The following TRPC4 variants were observed in gnomAD, a reference collection of about 807,000 sequenced individuals.
TRPC4 encodes short transient receptor potential channel 4.
Under a neutral mutation model 99.4 loss-of-function variants are expected in TRPC4, and 49 were observed. The ratio of observed to expected loss-of-function variants is 0.49; its 90% CI spans 0.39 to 0.63. The LOEUF is 0.63. TRPC4 is among the 20% of genes least tolerant of loss of function. The pLI is 0.00. For synonymous variants in TRPC4, 454 were observed against 425.9 expected, an observed-to-expected ratio of 1.07 and a Z score of -0.81; for missense variants, 898 against 1,152.9, an observed-to-expected ratio of 0.78 and a Z score of 3.20.
At chr13:37,812,197 C>CAAAAAAAAAAA (rs1156963631) in intron 1 of TRPC4, among the ~76,000 whole-genome samples, 47 of 111,218 alleles carry the variant, frequency 4.2e-4, no homozygotes, top group African/African-American at 1.0e-3. Context: ...AAAAAAAAAC[C>CAAAAAAAAAAA]AGGAGATCTA....
intron 1 of TRPC4, among the ~76,000 whole-genome samples, chr13:37,801,830 G>C (rs919060507): frequency 1.3e-5 from 2 of 152,022 alleles, no homozygotes; most frequent in Non-Finnish European, 2.9e-5. Context: ...ATTTGAGCTG[G>C]ATTTTGAAGG....
intron 2 of TRPC4, among the ~76,000 whole-genome samples, chr13:37,768,265 TTCTTC>T (rs1377152270): frequency 6.6e-6 from 1 of 151,372 alleles, no homozygotes; most frequent in Non-Finnish European, 1.5e-5. Context: ...TCTTAAAAAT[TTCTTC>T]TCTTCTGAGA....
At chr13:37,678,364 C>A (rs764842416) in intron 4 of TRPC4, among the ~76,000 whole-genome samples, 3 of 151,730 alleles carry the variant, frequency 2.0e-5, no homozygotes, top group African/African-American at 7.3e-5. Flanking sequence ...TGATAAAACG[C>A]TAGCCAGAAT....
intron 7 of TRPC4, among the ~76,000 whole-genome samples, chr13:37,653,089 G>C (rs534556614): frequency 6.6e-6 from 1 of 151,958 alleles, no homozygotes; most frequent in Non-Finnish European, 1.5e-5. Flanking sequence ...CCCAGTCAAG[G>C]TCCCCTCTTC....
chr13:37,750,199 T>C (rs1288683397), intron 2 of TRPC4, among the ~76,000 whole-genome samples: 1 of 152,204 alleles, frequency 6.6e-6, no homozygotes, highest in Non-Finnish European at 1.5e-5. Context: ...TATTTCAATT[T>C]CTATTTTATT....
At chr13:37,695,494 C>A (rs975199404) in intron 3 of TRPC4, among the ~76,000 whole-genome samples, 3 of 152,178 alleles carry the variant, frequency 2.0e-5, no homozygotes, top group African/African-American at 7.2e-5. Flanking sequence ...CCGCACCATT[C>A]CAGGACTGGG....
intron 6 of TRPC4, among the ~76,000 whole-genome samples, chr13:37,655,970 T>G (rs2138644292): frequency 6.6e-6 from 1 of 152,278 alleles, no homozygotes; most frequent in East Asian, 1.9e-4. Flanking sequence ...ACTACAGATT[T>G]CTATGTTTAC....
intron 1 of TRPC4, among the ~76,000 whole-genome samples, chr13:37,826,490 A>G (rs1958216615): frequency 6.8e-6 from 1 of 146,152 alleles, no homozygotes; most frequent in Admixed American, 6.9e-5. Context: ...ATCTCTCAGC[A>G]TTTGCTTGTC....
intron 2 of TRPC4, among the ~76,000 whole-genome samples, chr13:37,752,796 CA>C (rs200035373): frequency 3.3e-5 from 5 of 151,108 alleles, no homozygotes. Context: ...CTCAAACAAA[CA>C]AAAAAAATAA....
intron 1 of TRPC4, among the ~76,000 whole-genome samples, chr13:37,848,868 T>C (rs1337602): frequency 0.036 from 5,529 of 152,294 alleles, 244 homozygotes; most frequent in African/African-American, 0.11. Context: ...TGTAGGTCTA[T>C]GAAGTAGAAA....
At chr13:37,832,684 C>T (rs1031716288) in intron 1 of TRPC4, among the ~76,000 whole-genome samples, 2 of 151,904 alleles carry the variant, frequency 1.3e-5, no homozygotes, top group African/African-American at 4.8e-5. Flanking sequence ...TCAATAATTA[C>T]AAAAATTTAA....
intron 1 of TRPC4, among the ~76,000 whole-genome samples, chr13:37,842,343 C>CAAAAAAAAAAAA (rs57428116): frequency 1.9e-4 from 3 of 15,646 alleles, no homozygotes; most frequent in African/African-American, 3.8e-4. Context: ...AGCGTCTAGC[C>CAAAAAAAAAAAA]AAAAAAAAAA....
chr13:37,782,100 G>A (rs1480234880), intron 2 of TRPC4, among the ~76,000 whole-genome samples: 2 of 152,016 alleles, frequency 1.3e-5, no homozygotes, highest in East Asian at 1.9e-4. Context: ...TAGTCAATTA[G>A]CCTTGATGCA....
intron 3 of TRPC4, among the ~76,000 whole-genome samples, chr13:37,729,902 A>C (rs925394840): frequency 6.6e-6 from 1 of 152,106 alleles, no homozygotes; most frequent in Non-Finnish European, 1.5e-5. Flanking sequence ...TCTAGAGTGG[A>C]TCGTAGTGAT....
intron 1 of TRPC4, among the ~76,000 whole-genome samples, chr13:37,866,269 G>C (rs1959739277): frequency 6.6e-6 from 1 of 151,614 alleles, no homozygotes; most frequent in African/African-American, 2.4e-5. Flanking sequence ...CTCTCAAGAA[G>C]TCATTATTCT....
chr13:37,766,131 T>C (rs890081179), intron 2 of TRPC4, among the ~76,000 whole-genome samples: 3 of 151,502 alleles, frequency 2.0e-5, no homozygotes, highest in Non-Finnish European at 3.0e-5. Flanking sequence ...TACATCTTAG[T>C]ATATGTTAAT....
intron 3 of TRPC4, among the ~76,000 whole-genome samples, chr13:37,744,363 A>G (rs146922284): frequency 4.5e-4 from 69 of 152,296 alleles, no homozygotes; most frequent in African/African-American, 1.6e-3. Context: ...TCTTTAAAAT[A>G]TTAGATCTCT....
intron 3 of TRPC4, among the ~76,000 whole-genome samples, chr13:37,723,234 ATGT>A (rs1361146808): frequency 2.6e-5 from 4 of 152,326 alleles, no homozygotes; most frequent in African/African-American, 4.8e-5. Flanking sequence ...AAAGTGTAAA[ATGT>A]TGTACGCCCA....
intron 6 of TRPC4, among the ~76,000 whole-genome samples, chr13:37,656,062 G>T (rs552513478): frequency 6.3e-4 from 96 of 152,068 alleles, no homozygotes; most frequent in Non-Finnish European, 9.7e-4. Context: ...TGGGTTTTTG[G>T]TTTTTTTGGT....
Sources: allele counts gnomAD v4.1 joint callset (sites outside exome capture counted in the v4.1 genomes callset), GRCh38; gene constraint gnomAD v4.1.1; transcripts MANE v1.5; gene names NCBI Gene and HGNC (gene_info 2026-07-23, HGNC 2026-07-21).